Variants in SLC5A11 observed in about 807,000 individuals in gnomAD.
SLC5A11 encodes the protein solute carrier family 5 member 11, also known as sodium/myo-inositol cotransporter 2.
SLC5A11 carries 48 observed loss-of-function variants against 69.8 expected under a neutral mutation model. The observed-to-expected ratio is 0.69, with a 90% confidence interval of 0.55 to 0.87. The LOEUF is 0.87. Among genes scored for constraint, SLC5A11 ranks in the 40% least tolerant of loss-of-function variants. SLC5A11 has a pLI of 0.00. For missense variants in SLC5A11, 784 were observed against 866.1 expected (o/e 0.91, Z 1.19); for synonymous variants, 319 against 342.4 (o/e 0.93, Z 0.75).
chr16:24,883,533 T>C (rs940985060), intron 7 of SLC5A11, among the ~76,000 whole-genome samples: 3 of 152,168 alleles, frequency 2.0e-5, no homozygotes, highest in African/African-American at 7.2e-5. Flanking sequence ...AGTCCATGGG[T>C]TCCTGGGTGG....
intron 4 of SLC5A11, among the ~76,000 whole-genome samples, chr16:24,870,444 CACACACACACA>C (rs1567605324): frequency 6.8e-6 from 1 of 147,400 alleles, no homozygotes; most frequent in East Asian, 2.0e-4. Flanking sequence ...CAAAAAAAAA[CACACACACACA>C]CACACACACA....
intron 9 of SLC5A11, among the ~76,000 whole-genome samples, chr16:24,894,847 C>T (rs1055129080): frequency 1.3e-5 from 2 of 151,966 alleles, no homozygotes; most frequent in East Asian, 3.9e-4. Flanking sequence ...TGGCTGGGCA[C>T]AGTGGCTCAC....
chr16:24,854,679 G>A (rs922517531), intron 1 of SLC5A11, among the ~76,000 whole-genome samples: 1 of 152,092 alleles, frequency 6.6e-6, no homozygotes, highest in African/African-American at 2.4e-5. Flanking sequence ...TGATCCTCCT[G>A]CCTTGGCCTC....
intron 1 of SLC5A11, among the ~76,000 whole-genome samples, chr16:24,850,518 A>G (rs2059255348): frequency 6.6e-6 from 1 of 152,200 alleles, no homozygotes; most frequent in South Asian, 2.1e-4. Flanking sequence ...GTGGTAGGAA[A>G]GGGTGCGAGT....
chr16:24,902,844 T>C (rs2049744664), intron 10 of SLC5A11, among the ~76,000 whole-genome samples: 1 of 152,176 alleles, frequency 6.6e-6, no homozygotes, highest in South Asian at 2.1e-4. Flanking sequence ...CAGCCAACAG[T>C]CATTATTAAA....
rs376879192 is a variant in SLC5A11 at position 24,886,904 on chromosome 16, G to C, written c.664+2773G>C. 8.5e-5 allele frequency among the ~76,000 whole-genome samples: 13 copies of C among 152,262 alleles called. No individual in the cohort carries two copies. In the East Asian group the frequency reaches 2.3e-3, roughly 27 times the overall value. On this transcript the variant is annotated intron_variant, in intron 8 of 15. Transcript: ENST00000347898. ...GATCACTTGAGTCCAGGTGCTCGAGGCTGCAGTGAGCTATTATTGCACCAC... is the reference window on the plus strand; with the variant it reads ...GATCACTTGAGTCCAGGTGCTCGAGCCTGCAGTGAGCTATTATTGCACCAC...
intron 1 of SLC5A11, among the ~76,000 whole-genome samples, chr16:24,857,153 A>G (rs2059572439): frequency 1.3e-5 from 2 of 152,074 alleles, no homozygotes; most frequent in South Asian, 4.2e-4. Context: ...AATTCTTAAC[A>G]TCTCTCCCCA....
intron 15 of SLC5A11, 23 bp from the exon 17 acceptor site, chr16:24,911,305 T>C: frequency 6.2e-7 from 1 of 1,612,914 alleles, no homozygotes; most frequent in Non-Finnish European, 8.5e-7. Flanking sequence ...CTCTACGGTC[T>C]TCCTTTGCTG....
chr16:24,855,782 GAACGGGCCC>G (rs1253762966), intron 1 of SLC5A11, among the ~76,000 whole-genome samples: 2 of 152,136 alleles, frequency 1.3e-5, no homozygotes, highest in Admixed American at 1.3e-4. Context: ...CACCTATGAG[GAACGGGCCC>G]TCACCAGACA....
intron 7 of SLC5A11, among the ~76,000 whole-genome samples, chr16:24,880,107 C>T (rs2047940487): frequency 3.9e-5 from 6 of 152,034 alleles, no homozygotes; most frequent in Admixed American, 2.0e-4. Context: ...AACTAATTTA[C>T]ACTCTGTATT....
chr16:24,899,497 G>C (rs906815829), intron 10 of SLC5A11, among the ~76,000 whole-genome samples: 9 of 150,966 alleles, frequency 6.0e-5, no homozygotes, highest in Non-Finnish European at 1.0e-4. Flanking sequence ...TCTGCCTCTT[G>C]GGTTCAAGTG....
At chr16:24,907,372 C>T (rs1231962779) in intron 12 of SLC5A11, among the ~76,000 whole-genome samples, 197 bp downstream of exon 13, 1 of 152,178 alleles carries the variant, frequency 6.6e-6, no homozygotes, top group Non-Finnish European at 1.5e-5. Flanking sequence ...CATGAAAGGG[C>T]TCAGTTCTTG....
chr16:24,902,544 G>A (rs895985663), intron 10 of SLC5A11, among the ~76,000 whole-genome samples: 10 of 122,386 alleles, frequency 8.2e-5, no homozygotes, highest in Non-Finnish European at 1.2e-4. Flanking sequence ...AGCCAATCAA[G>A]TCTTTTTTTT....
chr16:24,871,264 T>C (rs61280104), intron 4 of SLC5A11, among the ~76,000 whole-genome samples: 1 of 121,406 alleles, frequency 8.2e-6, no homozygotes, highest in African/African-American at 3.0e-5. Flanking sequence ...TTTCTGCTTG[T>C]TTGTTTTGTT....
intron 7 of SLC5A11, among the ~76,000 whole-genome samples, chr16:24,879,137 G>T (rs11074657): frequency 0.39 from 58,468 of 151,562 alleles, 12,911 homozygotes; most frequent in Non-Finnish European, 0.5. Flanking sequence ...GTTTTTTTTG[G>T]TTTTTTGTTT....
intron 6 of SLC5A11, among the ~76,000 whole-genome samples, chr16:24,876,795 G>A (rs1020163058): frequency 3.9e-5 from 6 of 152,188 alleles, no homozygotes; most frequent in African/African-American, 1.4e-4. Flanking sequence ...ACCAGCACAA[G>A]TGAAATCTGG....
intron 3 of SLC5A11, among the ~76,000 whole-genome samples, chr16:24,867,958 G>GA (rs1189665539): frequency 6.6e-6 from 1 of 151,822 alleles, no homozygotes; most frequent in East Asian, 1.9e-4. Context: ...GCAACACGGT[G>GA]AAACCCCATT....
chr16:24,854,955 TTGTG>T (rs34966155), intron 1 of SLC5A11, among the ~76,000 whole-genome samples: 3 of 150,782 alleles, frequency 2.0e-5, no homozygotes, highest in African/African-American at 4.9e-5. Context: ...TAGGTTAGCC[TTGTG>T]TGTGTGTGTG....
At chr16:24,850,587 C>T (rs1164554749) in intron 1 of SLC5A11, among the ~76,000 whole-genome samples, 2 of 152,148 alleles carry the variant, frequency 1.3e-5, no homozygotes. Context: ...GAATTTTCCC[C>T]ACCAAGGTCC....
Sources: allele counts gnomAD v4.1 joint callset (sites outside exome capture counted in the v4.1 genomes callset), GRCh38; gene constraint gnomAD v4.1.1; transcripts MANE v1.5; gene names NCBI Gene and HGNC (gene_info 2026-07-23, HGNC 2026-07-21).